Variants in TXNDC16 observed in about 807,000 individuals in gnomAD.
TXNDC16 encodes thioredoxin domain containing 16.
TXNDC16 carries 74 observed loss-of-function variants against 85.6 expected under a neutral mutation model. The ratio of observed to expected loss-of-function variants is 0.86; its 90% CI spans 0.72 to 1.05. TXNDC16 has a LOEUF of 1.05. Among genes scored for constraint, TXNDC16 ranks in the 50% least tolerant of loss-of-function variants. TXNDC16 has a pLI of 0.00. For synonymous variants in TXNDC16, 335 were observed against 326.5 expected (o/e 1.03, Z -0.28); for missense variants, 959 against 947.0 (o/e 1.01, Z -0.17).
chr14:52,435,036 G>C (rs1012339381), intron 20 of TXNDC16, among the ~76,000 whole-genome samples: 8 of 152,188 alleles, frequency 5.3e-5, no homozygotes, highest in African/African-American at 1.9e-4. Context: ...TTGCAGGAAA[G>C]GATCTTTACA....
At chr14:52,508,431 G>T (rs2036868481) in intron 9 of TXNDC16, among the ~76,000 whole-genome samples, 1 of 152,184 alleles carries the variant, frequency 6.6e-6, no homozygotes, top group African/African-American at 2.4e-5. Flanking sequence ...CGCTGGAGGG[G>T]ATGTGAAGAA....
intron 14 of TXNDC16, among the ~76,000 whole-genome samples, chr14:52,479,412 C>T (rs1027600418): frequency 1.2e-4 from 19 of 152,088 alleles, no homozygotes; most frequent in African/African-American, 4.6e-4. Flanking sequence ...ATCTAGAAAA[C>T]CCTAAAGACT....
intron 16 of TXNDC16, among the ~76,000 whole-genome samples, chr14:52,461,961 C>T (rs1312818924): frequency 6.6e-6 from 1 of 152,184 alleles, no homozygotes; most frequent in Non-Finnish European, 1.5e-5. Context: ...CATGTAAAGA[C>T]AGCATAAACC....
chr14:52,476,141 T>A (rs776490064), intron 14 of TXNDC16, among the ~76,000 whole-genome samples: 9 of 152,058 alleles, frequency 5.9e-5, no homozygotes, highest in Non-Finnish European at 1.0e-4. Context: ...GAGTACTACA[T>A]CAAGGGAACA....
At chr14:52,549,259 G>T (rs1298346930) in intron 1 of TXNDC16, among the ~76,000 whole-genome samples, 3 of 152,200 alleles carry the variant, frequency 2.0e-5, no homozygotes, top group African/African-American at 7.2e-5. Context: ...AAACTCTGAA[G>T]AAGTGTGTTT....
chr14:52,432,264 A>G lies in TXNDC16; in HGVS notation c.*40T>C. 1 of 1,537,858 alleles carries G rather than the reference A, an allele frequency of 6.5e-7. No homozygotes were observed. Among genetic ancestry groups the G allele is most frequent in the Non-Finnish European group, 8.7e-7 (1 of 1,146,540 alleles). On this transcript the variant is annotated 3_prime_UTR_variant, in exon 21 of 21. Coordinates refer to ENST00000281741, the MANE Select transcript of TXNDC16 (RefSeq NM_020784.3). The stretch of plus-strand genomic sequence containing the variant: ...TTCTTTAAGGAAATAAATTAAGTCT[A>G]TCATGCCAAAAAAATTTTGGAAACC...
chr14:52,442,218 C>CGTA (rs1357828875), intron 18 of TXNDC16, among the ~76,000 whole-genome samples: 1 of 148,260 alleles, frequency 6.7e-6, no homozygotes, highest in East Asian at 1.9e-4. Context: ...ATAAAACCTT[C>CGTA]TACCATTTTC....
At chr14:52,508,487 C>T (rs1254256944) in intron 9 of TXNDC16, among the ~76,000 whole-genome samples, 1 of 152,162 alleles carries the variant, frequency 6.6e-6, no homozygotes, top group Non-Finnish European at 1.5e-5. Flanking sequence ...ACTAGTTCAA[C>T]CATTGTGGAA....
At position 52,514,493 on chromosome 14, in the gene TXNDC16, A is replaced by G. The variant is rs868335282; in HGVS notation, c.605+387T>C. Among the ~76,000 whole-genome samples, 6 of 152,326 alleles carry G rather than the reference A, an allele frequency of 3.9e-5. No individual in the cohort carries two copies. In the South Asian group the frequency reaches 1.0e-3, roughly 26 times the overall value. ...CTGTTCAAAAACTGTACCTAAATAC[A>G]TTTAAGATTATTATGACAAAGTAAC... On this transcript the variant is annotated intron_variant, in intron 8 of 20. Transcript: ENST00000281741.
intron 18 of TXNDC16, among the ~76,000 whole-genome samples, chr14:52,448,207 T>C (rs1198838740): frequency 6.6e-6 from 1 of 151,848 alleles, no homozygotes; most frequent in African/African-American, 2.4e-5. Flanking sequence ...TAAAACACTA[T>C]GCAGATTTAA....
intron 9 of TXNDC16, among the ~76,000 whole-genome samples, chr14:52,500,313 A>G (rs1264973138): frequency 6.6e-6 from 1 of 152,230 alleles, no homozygotes; most frequent in Non-Finnish European, 1.5e-5. Flanking sequence ...TACAACATGG[A>G]TGAACCTTGA....
At chr14:52,519,814 T>G (rs907696260) in intron 6 of TXNDC16, among the ~76,000 whole-genome samples, 3 of 152,386 alleles carry the variant, frequency 2.0e-5, no homozygotes, top group East Asian at 3.9e-4. Context: ...AAGTATGATC[T>G]CAGATTAAAC....
chr14:52,461,964 C>A (rs1464924336), intron 16 of TXNDC16, among the ~76,000 whole-genome samples: 1 of 152,206 alleles, frequency 6.6e-6, no homozygotes, highest in African/African-American at 2.4e-5. Flanking sequence ...GTAAAGACAG[C>A]ATAAACCTGT....
intron 6 of TXNDC16, among the ~76,000 whole-genome samples, chr14:52,530,465 TTA>T (rs1195135988): frequency 1.4e-3 from 1 of 718 alleles, no homozygotes; most frequent in Non-Finnish European, 2.5e-3. Context: ...ATAATATATA[TTA>T]TATATTATTA....
intron 1 of TXNDC16, among the ~76,000 whole-genome samples, chr14:52,547,435 T>G (rs780493047): frequency 6.6e-5 from 10 of 152,236 alleles, no homozygotes; most frequent in Non-Finnish European, 1.3e-4. Context: ...ATTTTATATT[T>G]GTTGAATCTA....
chr14:52,542,450 G>T lies in TXNDC16; in HGVS notation c.164C>A (p.Ser55Tyr). The T allele has an allele frequency of 6.2e-7, 1 of 1,610,226 alleles. No homozygotes were observed. The highest frequency in any genetic ancestry group is 8.5e-7 in the Non-Finnish European group (1 of 1,177,514). Residue 55 changes from serine to tyrosine, a missense_variant, in exon 4 of 21, where the codon TCC (serine) becomes TAC (tyrosine). Coordinates refer to ENST00000281741, the MANE Select transcript of TXNDC16 (RefSeq NM_020784.3). Reference protein sequence around the residue: ...ASLAYFCQADSPRTSVFLEEL... With the variant: ...ASLAYFCQADYPRTSVFLEEL... ...TTCAAGAAATACAGATGTTCTTGGGGAATCTAAAACAACAAATGTTTCATG... is the reference window on the plus strand; with the variant it reads ...TTCAAGAAATACAGATGTTCTTGGGTAATCTAAAACAACAAATGTTTCATG...
intron 14 of TXNDC16, among the ~76,000 whole-genome samples, chr14:52,476,300 C>G (rs1209788865): frequency 6.6e-6 from 1 of 152,088 alleles, no homozygotes; most frequent in Non-Finnish European, 1.5e-5. Flanking sequence ...AAAAATCACA[C>G]TAGCTCTCCA....
intron 14 of TXNDC16, among the ~76,000 whole-genome samples, chr14:52,480,961 G>A (rs12879892): frequency 0.17 from 20,101 of 118,152 alleles, 1,581 homozygotes; most frequent in African/African-American, 0.26. Context: ...GTGTGTGTGT[G>A]TATATATATA....
At chr14:52,542,050 A>G (rs979781142) in intron 4 of TXNDC16, among the ~76,000 whole-genome samples, 2 of 152,196 alleles carry the variant, frequency 1.3e-5, no homozygotes, top group Non-Finnish European at 2.9e-5. Context: ...ATTATGAAAT[A>G]TTCATTAGGC....
Sources: gnomAD v4.1 joint callset for allele counts (sites outside exome capture counted in the v4.1 genomes callset) on GRCh38, gnomAD v4.1.1 for gene constraint, MANE v1.5 for transcripts, NCBI Gene and HGNC (gene_info 2026-07-23, HGNC 2026-07-21) for gene names.